Variants in FAM120C observed in about 807,000 individuals in gnomAD.
FAM120C encodes the protein constitutive coactivator of PPAR-gamma-like protein 2.
In FAM120C, 14 loss-of-function variants were observed where a neutral mutation model predicts 71.2. That is an observed-to-expected ratio of 0.20 (90% CI 0.13 to 0.31). The LOEUF (loss-of-function observed/expected upper bound fraction) is 0.31, where lower values mean the gene tolerates loss of function less well. Ranked by LOEUF, FAM120C falls within the 10% of genes least tolerant of loss-of-function variation. The probability of loss-of-function intolerance (pLI) is 1.00; values close to 1 mark genes in which losing one functional copy is unlikely to be tolerated. For missense variants in FAM120C, 500 were observed against 879.0 expected (o/e 0.57, Z 5.45); for synonymous variants, 354 against 353.2 (o/e 1.00, Z -0.03).
chrX:54,113,184 G>T (rs992860260), intron 10 of FAM120C, among the ~76,000 whole-genome samples: 6 of 111,621 alleles, frequency 5.4e-5, no homozygotes. Context: ...AAAAGTGGCC[G>T]GGGGCGGTGG....
Position 54,183,042 on chromosome X carries a change from C to G in FAM120C, c.157G>C (p.Ala53Pro), listed in dbSNP as rs1269971489. Reference protein sequence around the residue: ...LPPTAALAPGAPRAARGSVPL... With the variant: ...LPPTAALAPGPPRAARGSVPL... ...ACGGAGCCCCTGGCGGCGCGTGGAG[C>G]CCCGGGCGCTAGGGCTGCAGTCGGC... The change falls in exon 1 of 16, where the codon GCT becomes CCT. Residue 53 changes from alanine (A) to proline (P), a missense_variant. Physicochemically the swap from Ala to Pro is conservative, Grantham distance 27. Around this residue, in one of 11 missense-constraint regions of FAM120C, gnomAD observed 79 missense variants for 78.3 expected, o/e 1.01. Coordinates refer to ENST00000375180, the MANE Select transcript of FAM120C (RefSeq NM_017848.6). 8.6e-7 allele frequency: 1 copy of G among 1,156,078 alleles called. No individual in the cohort carries two copies. Among genetic ancestry groups the G allele is most frequent in the Non-Finnish European group, 1.1e-6 (1 of 871,168 alleles).
At chrX:54,106,436 A>C (rs781842463) in intron 10 of FAM120C, among the ~76,000 whole-genome samples, 2 of 112,489 alleles carry the variant, frequency 1.8e-5, no homozygotes, top group South Asian at 7.3e-4. Flanking sequence ...CTTAAACATA[A>C]GACCTAAAAC....
At chrX:54,094,657 G>C (rs1557123018) in intron 10 of FAM120C, among the ~76,000 whole-genome samples, 2 of 108,504 alleles carry the variant, frequency 1.8e-5, no homozygotes, top group African/African-American at 6.7e-5. Flanking sequence ...CCAGAACTTT[G>C]GGAGGCCGAG....
chrX:54,138,972 A>G (rs1557131135), intron 4 of FAM120C, among the ~76,000 whole-genome samples: 1 of 112,420 alleles, frequency 8.9e-6, no homozygotes, highest in African/African-American at 3.2e-5. Context: ...CCTTGAATAT[A>G]ATTTTAAGAC....
At chrX:54,136,662 G>C (rs1483975914) in intron 4 of FAM120C, 72 bp from the exon 5 acceptor site, 2 of 716,918 alleles carry the variant, frequency 2.8e-6, no homozygotes, top group East Asian at 6.7e-5. Flanking sequence ...TCATAATTTG[G>C]GAATCAAAAT....
At chrX:54,147,923 T>G (rs2067165608) in intron 4 of FAM120C, among the ~76,000 whole-genome samples, 1 of 111,458 alleles carries the variant, frequency 9.0e-6, no homozygotes. Flanking sequence ...CTCAAACTCC[T>G]GACCTTAAGG....
In FAM120C at chrX:54,116,670, G is replaced by T; in HGVS notation, c.2187C>A (p.Gly729=). 2.5e-6 allele frequency: 3 copies of T among 1,211,526 alleles called. No homozygotes were observed. The highest frequency in any genetic ancestry group is 3.4e-6 in the Non-Finnish European group (3 of 895,503). The change falls in exon 10 of 16, where the codon GGC becomes GGA. Residue 729 remains glycine (G), a synonymous_variant. Coordinates refer to ENST00000375180, the MANE Select transcript of FAM120C (RefSeq NM_017848.6). ...TTCTGTTCTTGTCTTCAACTGCTTT[G>T]CCTAGCCAGAGCTTCTTGAGGTTTG... The part of the protein sequence containing the change: ...TCPNLKKLWL[G]KAVEDKNRRM...
intron 1 of FAM120C, 150 bp downstream of exon 1, chrX:54,182,350 G>A: frequency 1.6e-6 from 1 of 633,487 alleles, no homozygotes; most frequent in Non-Finnish European, 2.3e-6. Flanking sequence ...AAATGGTAGA[G>A]GGTAGTTAGG....
chrX:54,128,607 A>C (rs1466191667), intron 9 of FAM120C, among the ~76,000 whole-genome samples: 3 of 108,663 alleles, frequency 2.8e-5, no homozygotes, highest in African/African-American at 6.6e-5. Context: ...TTCCTAGGCA[A>C]AGGACCCTGC....
At chrX:54,164,628 G>A (rs889863841) in intron 1 of FAM120C, among the ~76,000 whole-genome samples, 5 of 111,933 alleles carry the variant, frequency 4.5e-5, no homozygotes, top group Non-Finnish European at 7.5e-5. Flanking sequence ...TCCATTGTAT[G>A]CTATACATTT....
At chrX:54,170,776 C>G (rs1432403232) in intron 1 of FAM120C, among the ~76,000 whole-genome samples, 1 of 111,977 alleles carries the variant, frequency 8.9e-6, no homozygotes, top group African/African-American at 3.2e-5. Context: ...CTATGAAAGT[C>G]TGTTTTGCAG....
chrX:54,141,348 T>C (rs1308129590), intron 4 of FAM120C, among the ~76,000 whole-genome samples: 1 of 111,440 alleles, frequency 9.0e-6, no homozygotes, highest in East Asian at 2.8e-4. Context: ...ATAAGGATGG[T>C]TGAATATTCA....
intron 13 of FAM120C, among the ~76,000 whole-genome samples, chrX:54,085,502 G>A (rs782810940): frequency 2.6e-4 from 29 of 110,018 alleles, no homozygotes; most frequent in Non-Finnish European, 4.4e-4. Flanking sequence ...CAGGAGAATC[G>A]CTTGAACCCA....
Position 54,072,902 on chromosome X carries a change from C to T in FAM120C, c.*131G>A. The T allele has an allele frequency of 1.2e-6, 1 of 805,316 alleles. No individual in the cohort carries two copies. Among genetic ancestry groups the T allele is most frequent in the South Asian group, 2.8e-5 (1 of 35,710 alleles). 66.4% of individuals were successfully genotyped at this position (805,316 alleles called of 1,213,427 possible). On this transcript the variant is annotated 3_prime_UTR_variant, in exon 16 of 16. Coordinates refer to ENST00000375180, the MANE Select transcript of FAM120C (RefSeq NM_017848.6). The stretch of plus-strand genomic sequence containing the variant: ...GGCAGGGAAGGGGAAAAGATGGACA[C>T]AATAGGACATCCCACCAAAATCCTG...
At chrX:54,136,720 C>T (rs1279603894) in intron 4 of FAM120C, 130 bp from the exon 5 acceptor site, 13 of 460,412 alleles carry the variant, frequency 2.8e-5, no homozygotes, top group Non-Finnish European at 4.4e-5. Flanking sequence ...AGCAAATTTT[C>T]GCTTTGCAGA....
In FAM120C at chrX:54,183,149, GC is replaced by G. The variant is rs1557137895; in HGVS notation, c.49del (p.Ala17ProfsTer8). On this transcript the variant is annotated frameshift_variant, in exon 1 of 16. Transcript: ENST00000375180. LOFTEE classifies it high-confidence loss of function. Reference protein sequence around the residue: ...QEFLEKRCPGAVVPVDLLKLA... With the variant: ...QEFLEKRCPGXVVPVDLLKLA... ...TTTTAGGAGGTCCACGGGCACCACGGCCCCGGGACAGCGCTTCTCCAGGAAC... is the reference window on the plus strand; with the variant it reads ...TTTTAGGAGGTCCACGGGCACCACGGCCCGGGACAGCGCTTCTCCAGGAAC... The G allele has an allele frequency of 8.7e-7, 1 of 1,151,088 alleles. No individual in the cohort carries two copies. The allele number at this position is 1,151,088 out of a possible 1,213,427, so 94.9% of individuals were successfully genotyped here. A position where few individuals can be genotyped will look rare whatever the true frequency, so the allele number is the denominator to read the frequency against.
intron 10 of FAM120C, among the ~76,000 whole-genome samples, chrX:54,095,685 T>C (rs1450804058): frequency 1.8e-5 from 2 of 110,061 alleles, no homozygotes; most frequent in African/African-American, 6.6e-5. Context: ...AGATGGAGTT[T>C]CACTCTTGTT....
chrX:54,088,808 G>A (rs1165739604), intron 11 of FAM120C, among the ~76,000 whole-genome samples: 2 of 109,866 alleles, frequency 1.8e-5, no homozygotes, highest in Non-Finnish European at 3.8e-5. Flanking sequence ...CAGTATTTTG[G>A]GAGGCTGAGG....
chrX:54,083,477 A>ACACACACACC (rs1269380471), intron 13 of FAM120C, among the ~76,000 whole-genome samples: 42 of 104,871 alleles, frequency 4.0e-4, no homozygotes, highest in African/African-American at 1.4e-3. Context: ...ACACACACAC[A>ACACACACACC]CCAAAATATT....
Sources: allele counts gnomAD v4.1 joint callset (sites outside exome capture counted in the v4.1 genomes callset), GRCh38; gene constraint gnomAD v4.1.1; regional missense constraint gnomAD v4.1.1; transcripts MANE v1.5; gene names NCBI Gene and HGNC (gene_info 2026-07-23, HGNC 2026-07-21).